Variants in KALRN observed in about 807,000 individuals in gnomAD.
KALRN encodes the protein kalirin.
Under a neutral mutation model 353.7 loss-of-function variants are expected in KALRN, and 70 were observed. That is an observed-to-expected ratio of 0.20 (90% CI 0.16 to 0.24). KALRN has a LOEUF of 0.24. Ranked by LOEUF, KALRN falls within the 10% of genes least tolerant of loss-of-function variation. The pLI is 1.00. For synonymous variants in KALRN, 1,391 were observed against 1,434.8 expected, an observed-to-expected ratio of 0.97 and a Z score of 0.69; for missense variants, 2,791 against 3,756.7, an observed-to-expected ratio of 0.74 and a Z score of 6.72.
chr3:124,713,070 C>T lies in KALRN; in HGVS notation c.8211C>T (p.His2737=). Residue 2737 remains histidine (H), a synonymous_variant, in exon 58 of 60, where the codon CAC becomes CAT. Transcript: ENST00000682506. ...CTGCCCTGCTTCAGCACCTACAGCA[C>T]CCCCAGTACATCACTCTCCATGACA... The part of the protein sequence containing the change: ...HEAALLQHLQ[H]PQYITLHDTY... 1 of 1,614,078 alleles carries T rather than the reference C, an allele frequency of 6.2e-7. No homozygotes were observed. Among genetic ancestry groups the T allele is most frequent in the Non-Finnish European group, 8.5e-7 (1 of 1,179,974 alleles).
At chr3:124,170,497 G>C (rs187945390) in intron 1 of KALRN, among the ~76,000 whole-genome samples, 2 of 152,270 alleles carry the variant, frequency 1.3e-5, no homozygotes, top group African/African-American at 2.4e-5. Context: ...CCTGAATTTA[G>C]ATCATTTAGA....
At chr3:124,098,644 C>T (rs1451782256) in intron 1 of KALRN, among the ~76,000 whole-genome samples, 1 of 152,190 alleles carries the variant, frequency 6.6e-6, no homozygotes, top group Non-Finnish European at 1.5e-5. Flanking sequence ...CCACCTTCGC[C>T]CCACAGATCC....
Position 124,674,509 on chromosome 3 carries a change from A to C in KALRN, c.7088A>C (p.Gln2363Pro). ...VNQQNMCLVY[Q>P]PASDHSPAAE... ...CAGCAGAACATGTGTCTGGTGTACCAGCCTGCCAGCGACCATTCCCCCGCC... is the reference window on the plus strand; with the variant it reads ...CAGCAGAACATGTGTCTGGTGTACCCGCCTGCCAGCGACCATTCCCCCGCC... The change falls in exon 49 of 60, where the codon CAG becomes CCG. Residue 2363 changes from glutamine to proline, a missense_variant. This residue lies in a region of KALRN where 1,065 missense variants were observed against 1,156.4 expected (regional missense o/e 0.92). Transcript: ENST00000682506. The C allele has an allele frequency of 6.2e-7, 1 of 1,613,972 alleles. No homozygotes were observed. The highest frequency in any genetic ancestry group is 8.5e-7 in the Non-Finnish European group (1 of 1,179,960).
At chr3:124,685,927 A>G (rs1400070340) in intron 51 of KALRN, among the ~76,000 whole-genome samples, 2 of 152,094 alleles carry the variant, frequency 1.3e-5, no homozygotes, top group Non-Finnish European at 2.9e-5. Flanking sequence ...AGCAAAGACC[A>G]TCACCCCCCA....
chr3:124,403,790 A>C (rs998877501), intron 13 of KALRN, among the ~76,000 whole-genome samples: 4 of 152,222 alleles, frequency 2.6e-5, no homozygotes, highest in African/African-American at 9.6e-5. Flanking sequence ...CTTATGTAGC[A>C]AAAACTATGT....
rs958470309 is a variant in KALRN, at chr3:124,414,305, G to A, written c.2542+640G>A. On this transcript the variant is annotated intron_variant, in intron 14 of 59. Coordinates refer to ENST00000682506, the MANE Select transcript of KALRN (RefSeq NM_001388419.1). ...AAGCAGTCAGACATTCATATGGATT[G>A]TATACACATGTGTAGTTGTTTCCTC... Among the ~76,000 whole-genome samples the A allele has an allele frequency of 1.4e-4, 21 of 152,266 alleles. No homozygotes were observed. In the East Asian group the frequency reaches 1.9e-3, roughly 14 times the overall value.
At chr3:124,079,391 T>G (rs1463436159) in intron 1 of KALRN, among the ~76,000 whole-genome samples, 2 of 152,250 alleles carry the variant, frequency 1.3e-5, no homozygotes, top group Non-Finnish European at 2.9e-5. Context: ...CTTACATGTT[T>G]CTTTAAAAGG....
At chr3:124,264,360 G>C (rs992516432) in intron 3 of KALRN, 138 bp from the exon 4 acceptor site, 2 of 674,976 alleles carry the variant, frequency 3.0e-6, no homozygotes. Flanking sequence ...TGAGTTTGAA[G>C]GTGGCCAAGA....
chr3:124,579,350 T>C (rs1304024127), intron 34 of KALRN, among the ~76,000 whole-genome samples: 4 of 152,224 alleles, frequency 2.6e-5, no homozygotes, highest in African/African-American at 7.2e-5. Context: ...AAAGCCTTAT[T>C]CATGTAAAAT....
At chr3:124,461,751 A>G (rs1366900697) in intron 23 of KALRN, 139 bp from the exon 24 acceptor site, 2 of 633,496 alleles carry the variant, frequency 3.2e-6, no homozygotes, top group Non-Finnish European at 5.6e-6. Context: ...GGAATTTTGA[A>G]GAAAGGAAAA....
intron 33 of KALRN, among the ~76,000 whole-genome samples, chr3:124,526,412 A>T (rs886416792): frequency 6.6e-6 from 1 of 151,900 alleles, no homozygotes; most frequent in African/African-American, 2.4e-5. Flanking sequence ...ATCTCTACCA[A>T]AAAAGATACA....
At chr3:124,648,727 G>A (rs35303401) in intron 37 of KALRN, among the ~76,000 whole-genome samples, 1 of 152,070 alleles carries the variant, frequency 6.6e-6, no homozygotes, top group Non-Finnish European at 1.5e-5. Context: ...AGAAGAGGAA[G>A]TAAAAGGCAT....
chr3:124,151,734 A>G (rs1341046505), intron 1 of KALRN, among the ~76,000 whole-genome samples: 1 of 151,774 alleles, frequency 6.6e-6, no homozygotes, highest in Non-Finnish European at 1.5e-5. Flanking sequence ...TTTTTCTTTT[A>G]TATTTAGTAC....
At chr3:124,441,261 G>A (rs1188461450) in intron 18 of KALRN, among the ~76,000 whole-genome samples, 1 of 152,190 alleles carries the variant, frequency 6.6e-6, no homozygotes, top group East Asian at 1.9e-4. Context: ...CAGTGGTCAC[G>A]TAAGAGGCAT....
chr3:124,208,408 T>A (rs2076605057), intron 1 of KALRN, among the ~76,000 whole-genome samples: 1 of 152,212 alleles, frequency 6.6e-6, no homozygotes, highest in Non-Finnish European at 1.5e-5. Flanking sequence ...GAAAGGGACT[T>A]CTTCAAGAAT....
Position 124,507,476 on chromosome 3 carries a change from T to C in KALRN, c.4935+11063T>C, listed in dbSNP as rs149195462. Among the ~76,000 whole-genome samples, 3 of 152,364 alleles carry C rather than the reference T, an allele frequency of 2.0e-5. No individual in the cohort carries two copies. In the East Asian group the frequency reaches 5.8e-4, roughly 29 times the overall value. On this transcript the variant is annotated intron_variant, in intron 33 of 59. Transcript: ENST00000682506. ...TGATACATGCCCAAACAGAAAGTTC[T>C]GTTAACACGGAAGAATGAAATTTAG...
At chr3:124,246,689 G>C (rs1228608516) in intron 3 of KALRN, among the ~76,000 whole-genome samples, 1 of 152,200 alleles carries the variant, frequency 6.6e-6, no homozygotes, top group Non-Finnish European at 1.5e-5. Context: ...TTAGGCTACT[G>C]TTGTCTATGG....
At chr3:124,484,044 G>A (rs1273989842) in intron 28 of KALRN, among the ~76,000 whole-genome samples, 4 of 152,194 alleles carry the variant, frequency 2.6e-5, no homozygotes, top group Non-Finnish European at 5.9e-5. Context: ...GGGATAGTAG[G>A]GGACATGTTA....
intron 1 of KALRN, among the ~76,000 whole-genome samples, chr3:124,058,999 G>A (rs548226141): frequency 6.6e-6 from 1 of 152,096 alleles, no homozygotes; most frequent in South Asian, 2.1e-4. Flanking sequence ...AATTCCACTG[G>A]GTATGTGCTC....
Sources: gnomAD v4.1 joint callset for allele counts (sites outside exome capture counted in the v4.1 genomes callset) on GRCh38, gnomAD v4.1.1 for gene constraint, gnomAD v4.1.1 regional missense constraint, MANE v1.5 for transcripts, NCBI Gene and HGNC (gene_info 2026-07-23, HGNC 2026-07-21) for gene names.